The following METTL22 variants were observed in gnomAD, a reference collection of about 807,000 sequenced individuals.
METTL22 encodes methyltransferase-like protein 22.
A neutral mutation model predicts 48.4 loss-of-function variants in METTL22; 51 were observed. The ratio of observed to expected loss-of-function variants is 1.05; its 90% CI spans 0.84 to 1.33. The LOEUF (loss-of-function observed/expected upper bound fraction) is 1.33. Ranked by LOEUF, METTL22 falls within the 40% of genes most tolerant of loss-of-function variation. The pLI, the probability that METTL22 is intolerant of heterozygous loss-of-function variation, is 0.00. For synonymous variants in METTL22, 255 were observed against 214.1 expected, an observed-to-expected ratio of 1.19 and a Z score of -1.67; for missense variants, 678 against 526.9, an observed-to-expected ratio of 1.29 and a Z score of -2.81.
downstream of METTL22, among the ~76,000 whole-genome samples, chr16:8,651,989 C>G (rs911383981): frequency 1.3e-5 from 2 of 152,220 alleles, no homozygotes; most frequent in Non-Finnish European, 2.9e-5. Context: ...TGTAACAAAC[C>G]TGCACATTCT....
intron 2 of METTL22, among the ~76,000 whole-genome samples, chr16:8,628,386 T>C (rs2141700635): frequency 6.6e-6 from 1 of 152,308 alleles, no homozygotes; most frequent in South Asian, 2.1e-4. Flanking sequence ...CTAAAAGTTG[T>C]GTGGCCTTGG....
At chr16:8,651,382 G>A (rs1288872854), downstream of METTL22, among the ~76,000 whole-genome samples, 2 of 192 alleles carry the variant, frequency 0.01, no homozygotes, top group Admixed American at 0.12. Context: ...GCAAGACTCT[G>A]TCTCAAAAAA....
In METTL22 at chr16:8,648,928, C is replaced by T. The variant is rs959013672; in HGVS notation, c.*2785C>T. 4 of 152,264 alleles carry T rather than the reference C, an allele frequency of 2.6e-5. No homozygotes were observed. Among genetic ancestry groups the T allele is most frequent in the African/African-American group, 9.6e-5 (4 of 41,460 alleles). 9.4% of individuals were successfully genotyped at this position (152,264 alleles called of 1,614,324 possible). ...ATAGCCCTCAACCTATTGCTGTTTT[C>T]TAAAATTCCTACACAAACTCCGTTC... On this transcript the variant is annotated 3_prime_UTR_variant, in exon 11 of 11. Coordinates refer to ENST00000381920, the MANE Select transcript of METTL22 (RefSeq NM_024109.4).
chr16:8,633,699 C>T (rs934684413), intron 3 of METTL22, among the ~76,000 whole-genome samples: 1 of 152,256 alleles, frequency 6.6e-6, no homozygotes, highest in South Asian at 2.1e-4. Context: ...CTAACCTCAC[C>T]CAGCCACCTT....
At chr16:8,635,372 CTG>C (rs1485024450) in intron 5 of METTL22, 60 bp downstream of exon 5, 4 of 1,474,650 alleles carry the variant, frequency 2.7e-6, no homozygotes, top group African/African-American at 2.8e-5. Context: ...CATGCACTGA[CTG>C]TATAAAAAAA....
At chr16:8,651,455 A>C (rs1224333175), downstream of METTL22, among the ~76,000 whole-genome samples, 2 of 150,212 alleles carry the variant, frequency 1.3e-5, no homozygotes, top group African/African-American at 4.9e-5. Flanking sequence ...GCCCTGGTGA[A>C]GTTTTCATTA....
chr16:8,640,468 C>CA (rs1202029623), intron 6 of METTL22, among the ~76,000 whole-genome samples: 2 of 145,150 alleles, frequency 1.4e-5, no homozygotes, highest in Middle Eastern at 3.4e-3. Context: ...ACGTAGCACT[C>CA]AAAAAATGCT....
chr16:8,635,130 C>A (rs1240881246), intron 4 of METTL22, 38 bp from the exon 5 acceptor site: 1 of 1,613,926 alleles, frequency 6.2e-7, no homozygotes, highest in Admixed American at 1.7e-5. Flanking sequence ...CCTGCAGAGC[C>A]TCACGCTGCT....
At chr16:8,663,679 A>T in the METTL22 span, among the ~76,000 whole-genome samples, 1 of 152,164 alleles carries the variant, frequency 6.6e-6, no homozygotes, top group African/African-American at 2.4e-5. Context: ...GGTAAGTACT[A>T]TTATTCTTAC....
At chr16:8,652,554 C>T (rs940767875), downstream of METTL22, among the ~76,000 whole-genome samples, 4 of 150,402 alleles carry the variant, frequency 2.7e-5, no homozygotes, top group Non-Finnish European at 5.9e-5. Context: ...TGCAGTGGCT[C>T]ACACCTGTAA....
chr16:8,640,985 TAAAG>T, intron 6 of METTL22, 142 bp from the exon 7 acceptor site: 1 of 218,012 alleles, frequency 4.6e-6, no homozygotes, highest in Non-Finnish European at 7.5e-6. Context: ...TGGCTGGCTG[TAAAG>T]ATGGAAGGGC....
chr16:8,664,612 C>G, the METTL22 span, among the ~76,000 whole-genome samples: 2 of 152,100 alleles, frequency 1.3e-5, no homozygotes, highest in Non-Finnish European at 2.9e-5. Context: ...ACCACCACAC[C>G]AGGCTAATTT....
In METTL22 at chr16:8,629,001, C is replaced by T; in HGVS notation, c.405C>T (p.Asn135=). Residue 135 remains asparagine, a synonymous_variant, in exon 3 of 11, where the codon AAC becomes AAT. Transcript: ENST00000381920. The part of the protein sequence containing the change: ...VRRPRAASDS[N]PAGPLRDKVH... ...GACCACGAGCCGCCTCTGATTCCAA[C>T]CCAGCAGGGCCTCTGAGAGACAAGG... The T allele has an allele frequency of 1.2e-6, 2 of 1,614,142 alleles. No homozygotes were observed. Among genetic ancestry groups the T allele is most frequent in the Non-Finnish European group, 1.7e-6 (2 of 1,180,052 alleles).
chr16:8,629,134 C>A (rs1478201164), intron 3 of METTL22, 24 bp downstream of exon 3: 3 of 1,597,580 alleles, frequency 1.9e-6, no homozygotes, highest in Non-Finnish European at 2.6e-6. Context: ...TGATGTGGCC[C>A]ACCTGTCACC....
intron 10 of METTL22, 122 bp from the exon 11 acceptor site, chr16:8,645,986 C>G: frequency 8.3e-7 from 1 of 1,204,610 alleles, no homozygotes; most frequent in South Asian, 1.8e-5. Flanking sequence ...TGCCCCAGCT[C>G]GCCTGCTCCG....
chr16:8,630,388 G>A (rs924327831), intron 3 of METTL22, among the ~76,000 whole-genome samples: 7 of 152,150 alleles, frequency 4.6e-5, no homozygotes, highest in African/African-American at 9.7e-5. Flanking sequence ...GAGGCTCAGC[G>A]AGGTTGAGGA....
chr16:8,656,620 C>T, the METTL22 span, among the ~76,000 whole-genome samples: 2 of 152,240 alleles, frequency 1.3e-5, no homozygotes, highest in African/African-American at 4.8e-5. Flanking sequence ...CAGCCAGTCC[C>T]TGTCACTCCA....
downstream of METTL22, among the ~76,000 whole-genome samples, chr16:8,652,526 C>A (rs868374748): frequency 1.4e-5 from 2 of 146,674 alleles, no homozygotes; most frequent in Non-Finnish European, 3.0e-5. Context: ...TGCTGTGAAA[C>A]CCTCATGTGT....
At chr16:8,624,602 A>T (rs2055978902) in intron 1 of METTL22, among the ~76,000 whole-genome samples, 1 of 152,010 alleles carries the variant, frequency 6.6e-6, no homozygotes, top group Non-Finnish European at 1.5e-5. Flanking sequence ...ATGATGGCTC[A>T]CGCCTGTAAT....
Sources: allele counts gnomAD v4.1 joint callset (sites outside exome capture counted in the v4.1 genomes callset), GRCh38; gene constraint gnomAD v4.1.1; transcripts MANE v1.5; gene names NCBI Gene and HGNC (gene_info 2026-07-23, HGNC 2026-07-21).